THRB: variants seen among roughly 807,000 people sequenced by gnomAD.
THRB encodes the protein nuclear receptor subfamily 1 group A member 2.
Under a neutral mutation model 47.8 loss-of-function variants are expected in THRB, and 12 were observed. The observed-to-expected ratio is 0.25, with a 90% CI of 0.16 to 0.41. THRB has a LOEUF of 0.41. Among genes scored for constraint, THRB ranks in the 10% least tolerant of loss-of-function variants. The pLI is 1.00. For synonymous variants in THRB, 218 were observed against 212.2 expected (o/e 1.03, Z -0.24); for missense variants, 348 against 589.2 (o/e 0.59, Z 4.24).
chr3:24,185,032 C>T (rs554227277), intron 5 of THRB, among the ~76,000 whole-genome samples: 23 of 152,298 alleles, frequency 1.5e-4, no homozygotes, highest in African/African-American at 4.1e-4. Flanking sequence ...GAGAATGGCA[C>T]ATCATTTGAA....
chr3:24,239,751 A>G (rs17014466), intron 3 of THRB, among the ~76,000 whole-genome samples: 1,702 of 152,180 alleles, frequency 0.011, 32 homozygotes, highest in African/African-American at 0.038. Flanking sequence ...TAGAATGTGT[A>G]TTTCCTGCAA....
intron 3 of THRB, among the ~76,000 whole-genome samples, chr3:24,251,981 G>C (rs2050715121): frequency 6.6e-6 from 1 of 152,022 alleles, no homozygotes; most frequent in Non-Finnish European, 1.5e-5. Flanking sequence ...AATATTTCTA[G>C]GAAAGCAAGG....
chr3:24,411,085 T>G (rs1246600769), intron 1 of THRB, among the ~76,000 whole-genome samples: 2 of 151,808 alleles, frequency 1.3e-5, no homozygotes, highest in East Asian at 2.0e-4. Context: ...TGCAGTCTGC[T>G]GCTGTGAAGC....
At chr3:24,312,532 C>T (rs1284135100) in intron 2 of THRB, among the ~76,000 whole-genome samples, 3 of 152,202 alleles carry the variant, frequency 2.0e-5, no homozygotes, top group Admixed American at 6.5e-5. Flanking sequence ...ATGCTTCCTA[C>T]GTATACGCCC....
intron 3 of THRB, among the ~76,000 whole-genome samples, chr3:24,287,153 C>T (rs1178663585): frequency 1.3e-5 from 2 of 152,154 alleles, no homozygotes; most frequent in African/African-American, 4.8e-5. Flanking sequence ...ATATCTTACA[C>T]ACATTTCCTT....
intron 3 of THRB, among the ~76,000 whole-genome samples, chr3:24,275,372 G>A (rs1420355611): frequency 6.6e-6 from 1 of 152,208 alleles, no homozygotes; most frequent in Non-Finnish European, 1.5e-5. Flanking sequence ...ATTAAATGAA[G>A]TTGAAACGAA....
At chr3:24,409,878 C>T (rs922457899) in intron 1 of THRB, among the ~76,000 whole-genome samples, 1 of 151,862 alleles carries the variant, frequency 6.6e-6, no homozygotes, top group African/African-American at 2.4e-5. Context: ...TATCTGTAGA[C>T]ATTCCTGCAT....
At chr3:24,284,402 C>A (rs2055005343) in intron 3 of THRB, among the ~76,000 whole-genome samples, 1 of 150,324 alleles carries the variant, frequency 6.7e-6, no homozygotes, top group African/African-American at 2.4e-5. Context: ...AACTGGATCC[C>A]TTCCTTACAC....
intron 3 of THRB, among the ~76,000 whole-genome samples, chr3:24,242,543 C>T (rs886377908): frequency 2.0e-5 from 3 of 152,162 alleles, no homozygotes; most frequent in Admixed American, 6.5e-5. Context: ...AAATATTAGA[C>T]GGTGCTCACT....
At chr3:24,281,816 C>T (rs1405653751) in intron 3 of THRB, among the ~76,000 whole-genome samples, 1 of 150,608 alleles carries the variant, frequency 6.6e-6, no homozygotes, top group African/African-American at 2.5e-5. Flanking sequence ...TTTAAACCAA[C>T]AAAGATCAAA....
At chr3:24,374,934 G>A (rs2065164079) in intron 1 of THRB, among the ~76,000 whole-genome samples, 1 of 151,950 alleles carries the variant, frequency 6.6e-6, no homozygotes, top group African/African-American at 2.4e-5. Context: ...TACTTACCAG[G>A]CATGTAAAAA....
At chr3:24,257,073 C>G (rs573238952) in intron 3 of THRB, among the ~76,000 whole-genome samples, 1 of 152,134 alleles carries the variant, frequency 6.6e-6, no homozygotes, top group African/African-American at 2.4e-5. Context: ...GCACATCCTT[C>G]TCTGGTTCTC....
intron 2 of THRB, among the ~76,000 whole-genome samples, chr3:24,329,494 A>G (rs2061783710): frequency 6.6e-6 from 1 of 152,224 alleles, no homozygotes; most frequent in Admixed American, 6.5e-5. Context: ...TATTTATATC[A>G]TAACATGTAT....
intron 10 of THRB, among the ~76,000 whole-genome samples, chr3:24,124,347 T>G (rs1575240160): frequency 6.6e-6 from 1 of 152,366 alleles, no homozygotes; most frequent in Non-Finnish European, 1.5e-5. Context: ...TGGTTCTCCC[T>G]CTCTCCCTTT....
chr3:24,360,446 C>A (rs899766665), intron 1 of THRB, among the ~76,000 whole-genome samples: 1 of 152,114 alleles, frequency 6.6e-6, no homozygotes, highest in Admixed American at 6.5e-5. Context: ...AATACGCAGG[C>A]GATGCATATT....
intron 3 of THRB, among the ~76,000 whole-genome samples, chr3:24,240,865 T>C (rs1363120886): frequency 2.0e-5 from 3 of 150,698 alleles, no homozygotes; most frequent in Admixed American, 6.6e-5. Context: ...TTTAAGAACA[T>C]GTTGGAGGAA....
intron 4 of THRB, among the ~76,000 whole-genome samples, chr3:24,212,459 G>A (rs184506176): frequency 1.6e-4 from 24 of 149,208 alleles, no homozygotes; most frequent in African/African-American, 5.6e-4. Context: ...GCGGGCACCT[G>A]TAATCCCAGC....
At chr3:24,242,317 G>A (rs2049618466) in intron 3 of THRB, among the ~76,000 whole-genome samples, 1 of 152,140 alleles carries the variant, frequency 6.6e-6, no homozygotes, top group Non-Finnish European at 1.5e-5. Context: ...CTCCCAGCAT[G>A]GTGATTATTT....
chr3:24,148,177 G>T (rs752329244), intron 6 of THRB, among the ~76,000 whole-genome samples: 6 of 152,022 alleles, frequency 3.9e-5, no homozygotes, highest in Non-Finnish European at 5.9e-5. Context: ...CCTAGGCTGG[G>T]GTGCAGTGGT....
Sources: allele counts gnomAD v4.1 joint callset (sites outside exome capture counted in the v4.1 genomes callset), GRCh38; gene constraint gnomAD v4.1.1; transcripts MANE v1.5; gene names NCBI Gene and HGNC (gene_info 2026-07-23, HGNC 2026-07-21).